The following RNF217 variants were observed in gnomAD, a reference collection of about 807,000 sequenced individuals.
The protein encoded by RNF217 is ring finger protein 217.
RNF217 carries 31 observed loss-of-function variants against 57.8 expected under a neutral mutation model. The ratio of observed to expected loss-of-function variants is 0.54; its 90% CI spans 0.40 to 0.72. The LOEUF (loss-of-function observed/expected upper bound fraction) is 0.72. RNF217 is among the 30% of genes least tolerant of loss of function. RNF217 has a pLI of 0.00. For synonymous variants in RNF217, 313 were observed against 294.0 expected (o/e 1.06, Z -0.66); for missense variants, 696 against 708.3 (o/e 0.98, Z 0.20).
intron 2 of RNF217, among the ~76,000 whole-genome samples, chr6:125,051,332 G>T (rs1787308252): frequency 6.6e-6 from 1 of 151,736 alleles, no homozygotes; most frequent in Non-Finnish European, 1.5e-5. Flanking sequence ...GTCTCTCTCT[G>T]ATGGCCCCCG....
At chr6:124,975,324 C>T (rs1429328534) in intron 1 of RNF217, among the ~76,000 whole-genome samples, 8 of 152,166 alleles carry the variant, frequency 5.3e-5, no homozygotes, top group African/African-American at 1.2e-4. Flanking sequence ...TAGAGTTTAG[C>T]GTATTATTAA....
chr6:125,064,457 A>G (rs1476569091), intron 3 of RNF217, among the ~76,000 whole-genome samples: 1 of 152,222 alleles, frequency 6.6e-6, no homozygotes, highest in Non-Finnish European at 1.5e-5. Context: ...GAGATTAAAT[A>G]TAATGTGACT....
intron 5 of RNF217, among the ~76,000 whole-genome samples, chr6:125,082,244 A>G (rs1788600400): frequency 6.6e-6 from 1 of 152,114 alleles, no homozygotes; most frequent in South Asian, 2.1e-4. Flanking sequence ...TTTAAGCTAA[A>G]TGCTATAGAT....
intron 1 of RNF217, among the ~76,000 whole-genome samples, chr6:125,024,645 G>A (rs182419155): frequency 1.1e-3 from 160 of 151,574 alleles, no homozygotes; most frequent in Non-Finnish European, 1.7e-3. Flanking sequence ...TCTTGAGCCC[G>A]GGAGGCAGAG....
intron 1 of RNF217, among the ~76,000 whole-genome samples, chr6:125,025,074 G>GA (rs1301722150): frequency 6.6e-6 from 1 of 152,122 alleles, no homozygotes; most frequent in African/African-American, 2.4e-5. Flanking sequence ...AAGAAGTCAG[G>GA]AAAATCAGGA....
At chr6:125,065,713 T>C (rs1582770138) in intron 3 of RNF217, among the ~76,000 whole-genome samples, 1 of 152,212 alleles carries the variant, frequency 6.6e-6, no homozygotes, top group African/African-American at 2.4e-5. Context: ...GCTTTCTTAA[T>C]GTAATTCATT....
rs1211910382 is a variant in RNF217, at chr6:125,083,070, G to A, written c.*133G>A. The A allele has an allele frequency of 5.1e-6, 3 of 586,464 alleles. No individual in the cohort carries two copies. Among genetic ancestry groups the A allele is most frequent in the African/African-American group, 2.0e-5 (1 of 51,274 alleles). The allele number at this position is 586,464 out of a possible 1,614,324, so 36.3% of individuals were successfully genotyped here. A position where few individuals can be genotyped will look rare whatever the true frequency, so the allele number is the denominator to read the frequency against. On this transcript the variant is annotated 3_prime_UTR_variant, in exon 6 of 6. Transcript: ENST00000521654. ...ATCTCATCTCCCAGTGATTCTCCGT[G>A]GGCCACAATGCCTCTAGCTATGGTG...
intron 1 of RNF217, among the ~76,000 whole-genome samples, chr6:124,973,986 A>G (rs1489452377): frequency 1.3e-5 from 2 of 152,198 alleles, no homozygotes; most frequent in African/African-American, 2.4e-5. Flanking sequence ...GAGCTCAGCT[A>G]TGGCTGTCTA....
At chr6:124,976,546 G>T (rs1783970693) in intron 1 of RNF217, among the ~76,000 whole-genome samples, 2 of 151,746 alleles carry the variant, frequency 1.3e-5, no homozygotes, top group African/African-American at 4.8e-5. Flanking sequence ...GGGATTATAG[G>T]TGTGAGCCAC....
chr6:125,060,472 T>G (rs984672426), intron 3 of RNF217, among the ~76,000 whole-genome samples: 1 of 152,092 alleles, frequency 6.6e-6, no homozygotes, highest in Non-Finnish European at 1.5e-5. Flanking sequence ...TGAGACAGAG[T>G]CTTGCTCTGT....
intron 3 of RNF217, among the ~76,000 whole-genome samples, chr6:125,062,845 G>A (rs1787790636): frequency 6.6e-6 from 1 of 152,116 alleles, no homozygotes. Context: ...CAAAGTGTTG[G>A]ATTACAGGCG....
chr6:124,973,751 T>G, intron 1 of RNF217, among the ~76,000 whole-genome samples: 1 of 152,216 alleles, frequency 6.6e-6, no homozygotes, highest in Non-Finnish European at 1.5e-5. Flanking sequence ...GAGGTGTGTC[T>G]TCTTTAATTA....
chr6:125,015,141 C>G (rs1163206733), intron 1 of RNF217, among the ~76,000 whole-genome samples: 1 of 152,096 alleles, frequency 6.6e-6, no homozygotes. Flanking sequence ...TGGTTTTTAT[C>G]TGAAAGTCAC....
chr6:125,023,366 C>T (rs1295666122), intron 1 of RNF217, among the ~76,000 whole-genome samples: 1 of 152,138 alleles, frequency 6.6e-6, no homozygotes, highest in Non-Finnish European at 1.5e-5. Flanking sequence ...TCACTTTATC[C>T]TGAACACAAG....
chr6:125,056,094 T>G (rs2114579650), intron 2 of RNF217, among the ~76,000 whole-genome samples: 1 of 152,300 alleles, frequency 6.6e-6, no homozygotes, highest in East Asian at 1.9e-4. Flanking sequence ...TCTGACTTAT[T>G]GAATAGTTTA....
intron 1 of RNF217, among the ~76,000 whole-genome samples, chr6:125,036,551 A>G (rs947953962): frequency 2.6e-5 from 4 of 152,206 alleles, no homozygotes; most frequent in African/African-American, 9.6e-5. Flanking sequence ...GAGCTTCTGC[A>G]CAGCAAAAGA....
intron 2 of RNF217, among the ~76,000 whole-genome samples, chr6:125,052,146 G>A (rs1787341221): frequency 6.6e-6 from 1 of 151,964 alleles, no homozygotes; most frequent in South Asian, 2.1e-4. Context: ...GAACATAAAA[G>A]CTAGTATTGA....
chr6:125,063,914 C>T (rs1787843547), intron 3 of RNF217, among the ~76,000 whole-genome samples: 2 of 152,046 alleles, frequency 1.3e-5, no homozygotes, highest in African/African-American at 4.8e-5. Context: ...ATATTTTATT[C>T]TCTTCAATCC....
At chr6:124,975,236 C>G (rs1487938251) in intron 1 of RNF217, among the ~76,000 whole-genome samples, 1 of 152,166 alleles carries the variant, frequency 6.6e-6, no homozygotes, top group East Asian at 1.9e-4. Flanking sequence ...ATCACCACAG[C>G]TTTTCCCCCG....
Sources: allele counts gnomAD v4.1 joint callset (sites outside exome capture counted in the v4.1 genomes callset), GRCh38; gene constraint gnomAD v4.1.1; transcripts MANE v1.5; gene names NCBI Gene and HGNC (gene_info 2026-07-23, HGNC 2026-07-21).